XPR1: variants seen among roughly 807,000 people sequenced by gnomAD.
XPR1 encodes xenotropic and polytropic retrovirus receptor 1.
In XPR1, 28 loss-of-function variants were observed where a neutral mutation model predicts 87.5. That is an observed-to-expected ratio of 0.32 (90% CI 0.24 to 0.44). XPR1 has a LOEUF of 0.44. Ranked by LOEUF, XPR1 falls within the 20% of genes least tolerant of loss-of-function variation. The pLI, the probability that XPR1 is intolerant of heterozygous loss-of-function variation, is 1.00. For synonymous variants in XPR1, 300 were observed against 306.1 expected (o/e 0.98, Z 0.21); for missense variants, 559 against 862.3 (o/e 0.65, Z 4.41).
chr1:180,827,521 T>G (rs1311322092), intron 9 of XPR1, among the ~76,000 whole-genome samples: 1 of 152,178 alleles, frequency 6.6e-6, no homozygotes, highest in Non-Finnish European at 1.5e-5. Context: ...CTGCTGTGTT[T>G]TTGCTAATAA....
At chr1:180,690,544 A>G (rs551541698) in intron 2 of XPR1, among the ~76,000 whole-genome samples, 2 of 152,052 alleles carry the variant, frequency 1.3e-5, no homozygotes, top group African/African-American at 2.4e-5. Context: ...CTCACCTTCT[A>G]CATTTCCCCC....
At chr1:180,798,766 A>G (rs967454128) in intron 3 of XPR1, among the ~76,000 whole-genome samples, 1 of 152,114 alleles carries the variant, frequency 6.6e-6, no homozygotes, top group African/African-American at 2.4e-5. Flanking sequence ...GGCGTGCAGC[A>G]CCACACCCTG....
chr1:180,753,490 G>A (rs1424680401), intron 2 of XPR1, among the ~76,000 whole-genome samples: 1 of 151,838 alleles, frequency 6.6e-6, no homozygotes, highest in East Asian at 1.9e-4. Flanking sequence ...GGAGGCGGAG[G>A]TTGCAGTAAG....
At position 180,888,163 on chromosome 1, in the gene XPR1, T is replaced by C. The variant is rs991427573; in HGVS notation, c.*4097T>C. 1 of 152,202 alleles carries C rather than the reference T, an allele frequency of 6.6e-6. No homozygotes were observed. The highest frequency in any genetic ancestry group is 1.5e-5 in the Non-Finnish European group (1 of 68,034). 9.4% of individuals were successfully genotyped at this position (152,202 alleles called of 1,614,324 possible). ...CCTGCCTTTATTTTCCTATCATCTT[T>C]TCCCCATTACTTTGCATTATTCAGG... is the stretch of plus-strand genomic sequence containing the variant. On this transcript the variant is annotated 3_prime_UTR_variant, in exon 15 of 15. Transcript: ENST00000367590.
intron 2 of XPR1, among the ~76,000 whole-genome samples, chr1:180,750,126 T>C (rs961060854): frequency 6.6e-6 from 1 of 152,198 alleles, no homozygotes; most frequent in Non-Finnish European, 1.5e-5. Flanking sequence ...TAATTTTTGC[T>C]TTTAATTTGG....
At chr1:180,795,466 A>G (rs1020114453) in intron 3 of XPR1, among the ~76,000 whole-genome samples, 5 of 152,200 alleles carry the variant, frequency 3.3e-5, no homozygotes, top group African/African-American at 1.2e-4. Flanking sequence ...TGGCATAAGT[A>G]GAAATTGTAG....
intron 9 of XPR1, among the ~76,000 whole-genome samples, chr1:180,831,923 T>G (rs547419854): frequency 1.9e-4 from 29 of 152,332 alleles, no homozygotes; most frequent in Middle Eastern, 3.4e-3. Context: ...GTAATGGGAT[T>G]GCTGGTTCAA....
chr1:180,693,613 G>A (rs1657064029), intron 2 of XPR1, among the ~76,000 whole-genome samples: 1 of 152,172 alleles, frequency 6.6e-6, no homozygotes, highest in Admixed American at 6.6e-5. Context: ...TGAAATCAAG[G>A]TGTCTGCAGG....
chr1:180,777,805 G>A lies in XPR1; in HGVS notation c.122-9948G>A, dbSNP rs72723024. Among the ~76,000 whole-genome samples, 1,124 of 152,166 alleles carry A rather than the reference G, an allele frequency of 7.4e-3. 6 individuals carry two copies. The highest frequency in any genetic ancestry group is 0.011 in the Non-Finnish European group (715 of 67,998). On this transcript the variant is annotated intron_variant, in intron 2 of 14. Coordinates refer to ENST00000367590, the MANE Select transcript of XPR1 (RefSeq NM_004736.4). ...AAATATTCTTTCTATATTTGATGGAGCATGGTCATATATTTAATTTTTATT... is the reference window on the plus strand; with the variant it reads ...AAATATTCTTTCTATATTTGATGGAACATGGTCATATATTTAATTTTTATT...
At chr1:180,784,787 T>C (rs1303019792) in intron 2 of XPR1, among the ~76,000 whole-genome samples, 1 of 152,034 alleles carries the variant, frequency 6.6e-6, no homozygotes, top group Non-Finnish European at 1.5e-5. Context: ...TAATCTAAAT[T>C]TGTATACATT....
chr1:180,667,707 A>G (rs1656009888), intron 1 of XPR1, among the ~76,000 whole-genome samples: 1 of 152,192 alleles, frequency 6.6e-6, no homozygotes, highest in South Asian at 2.1e-4. Context: ...GAATTCACCA[A>G]AGAGCCATGA....
chr1:180,802,839 G>A (rs1488705985), intron 3 of XPR1, among the ~76,000 whole-genome samples: 7 of 152,182 alleles, frequency 4.6e-5, no homozygotes, highest in Admixed American at 4.6e-4. Context: ...CCATGTCAGA[G>A]CATGAATTAG....
chr1:180,810,168 C>T (rs1399987378), intron 6 of XPR1, among the ~76,000 whole-genome samples: 1 of 152,028 alleles, frequency 6.6e-6, no homozygotes, highest in South Asian at 2.1e-4. Flanking sequence ...TCAAAAATCG[C>T]TTTCTAAATA....
intron 7 of XPR1, among the ~76,000 whole-genome samples, chr1:180,818,104 G>T (rs1045617104): frequency 6.6e-6 from 1 of 152,016 alleles, no homozygotes; most frequent in Non-Finnish European, 1.5e-5. Context: ...TATGCATCAA[G>T]AAATTCTTGA....
In XPR1 at chr1:180,886,434, T is replaced by A. The variant is rs774677910; in HGVS notation, c.*2368T>A. The stretch of plus-strand genomic sequence containing the variant: ...AATCTTACAGTTGACTTCTGCTGTT[T>A]GAATTCCCCAGTGTTTTTACATTAA... On this transcript the variant is annotated 3_prime_UTR_variant, in exon 15 of 15. Transcript: ENST00000367590. 10 of 152,240 alleles carry A rather than the reference T, an allele frequency of 6.6e-5. No homozygotes were observed. Among genetic ancestry groups the A allele is most frequent in the African/African-American group, 2.4e-5 (1 of 41,462 alleles). 9.4% of individuals were successfully genotyped at this position (152,240 alleles called of 1,614,324 possible).
chr1:180,762,955 C>T (rs763995962), intron 2 of XPR1, among the ~76,000 whole-genome samples: 5 of 152,044 alleles, frequency 3.3e-5, no homozygotes, highest in South Asian at 2.1e-4. Context: ...GGATCACCAG[C>T]GACATTTTTT....
intron 2 of XPR1, among the ~76,000 whole-genome samples, chr1:180,684,467 G>A (rs888287197): frequency 1.3e-5 from 2 of 152,140 alleles, no homozygotes; most frequent in African/African-American, 4.8e-5. Context: ...ACTTGGCGAT[G>A]CGGGCTCTTT....
chr1:180,853,126 C>T (rs1651919776), intron 11 of XPR1, among the ~76,000 whole-genome samples: 1 of 152,114 alleles, frequency 6.6e-6, no homozygotes, highest in Non-Finnish European at 1.5e-5. Context: ...CGGGTATTCG[C>T]CACGTTAGCC....
rs765855526 is a variant in XPR1, at chr1:180,863,764, A to G, written c.1558A>G (p.Ile520Val). The G allele has an allele frequency of 6.2e-7, 1 of 1,609,710 alleles. No homozygotes were observed. Among genetic ancestry groups the G allele is most frequent in the Non-Finnish European group, 8.5e-7 (1 of 1,178,218 alleles). ...FFYLWIVFYI[I>V]SSCYTLIWDL... Reference sequence around the variant, plus strand: ...TTACCTGTGGATTGTCTTTTATATCATCAGTTCCTGCTATACCCTCATCTG... The same window carrying G: ...TTACCTGTGGATTGTCTTTTATATCGTCAGTTCCTGCTATACCCTCATCTG... The change falls in exon 12 of 15, where the codon ATC becomes GTC. Residue 520 changes from isoleucine to valine, a missense_variant. By Grantham distance (29) the Ile-to-Val change is conservative. Coordinates refer to ENST00000367590, the MANE Select transcript of XPR1 (RefSeq NM_004736.4).
Sources: gnomAD v4.1 joint callset for allele counts (sites outside exome capture counted in the v4.1 genomes callset) on GRCh38, gnomAD v4.1.1 for gene constraint, MANE v1.5 for transcripts, NCBI Gene and HGNC (gene_info 2026-07-23, HGNC 2026-07-21) for gene names.